MAP3K9: variants seen among roughly 807,000 people sequenced by gnomAD.
The protein encoded by MAP3K9 is mixed lineage kinase 1 (tyr and ser/thr specificity).
Under a neutral mutation model 95.8 loss-of-function variants are expected in MAP3K9, and 46 were observed. That is an observed-to-expected ratio of 0.48 (90% CI 0.38 to 0.61). The LOEUF (loss-of-function observed/expected upper bound fraction) is 0.61, where lower values mean the gene tolerates loss of function less well. Ranked by LOEUF, MAP3K9 falls within the 20% of genes least tolerant of loss-of-function variation. MAP3K9 has a pLI of 0.00. For missense variants in MAP3K9, 1,296 were observed against 1,474.3 expected, an observed-to-expected ratio of 0.88 and a Z score of 1.98; for synonymous variants, 533 against 593.8, an observed-to-expected ratio of 0.90 and a Z score of 1.49.
rs1047892994 is a variant in MAP3K9 at position 70,730,390 on chromosome 14, A to C, written c.3305T>G (p.Phe1102Cys). ...CCAATCCTTTTCGTGCTAAGACCAG[A>C]ACTCCTGCTGGATCTCATAAGGGGC... ...RPAPYEIQQE[F>C]WS Residue 1102 changes from phenylalanine to cysteine, a missense_variant, in exon 12 of 12, where the codon TTC becomes TGC. By Grantham distance (205) the Phe-to-Cys change is radical. This residue lies in a region of MAP3K9 where 433 missense variants were observed against 441.4 expected (regional missense o/e 0.98). Transcript: ENST00000554752. 6.2e-7 allele frequency: 1 copy of C among 1,604,198 alleles called. No homozygotes were observed. The highest frequency in any genetic ancestry group is 1.7e-5 in the Admixed American group (1 of 59,812).
intron 2 of MAP3K9, among the ~76,000 whole-genome samples, chr14:70,769,103 T>G (rs2054496167): frequency 6.6e-6 from 1 of 152,204 alleles, no homozygotes; most frequent in Admixed American, 6.5e-5. Context: ...CCCAGCTACT[T>G]GGGAGGCTGA....
At chr14:70,767,383 C>CAAAAAAAA in intron 2 of MAP3K9, among the ~76,000 whole-genome samples, 1 of 65,328 alleles carries the variant, frequency 1.5e-5, no homozygotes, top group Non-Finnish European at 2.9e-5. Flanking sequence ...CACTCAGTCT[C>CAAAAAAAA]AAAAAAAAAA....
intron 3 of MAP3K9, among the ~76,000 whole-genome samples, chr14:70,756,697 T>A (rs1199503439): frequency 1.3e-5 from 2 of 152,184 alleles, no homozygotes; most frequent in Non-Finnish European, 2.9e-5. Context: ...AATTTAACCA[T>A]TCGGTCAAGG....
intron 10 of MAP3K9, chr14:70,733,825 G>T: frequency 1.4e-6 from 1 of 718,084 alleles, no homozygotes; most frequent in Non-Finnish European, 2.6e-6. Context: ...AGAAAAAGGG[G>T]GATGCTCAGT....
At chr14:70,751,085 A>G (rs770711572) in intron 3 of MAP3K9, among the ~76,000 whole-genome samples, 2 of 152,122 alleles carry the variant, frequency 1.3e-5, no homozygotes, top group Non-Finnish European at 2.9e-5. Context: ...AAAGTTTCAC[A>G]AGGGTAGACC....
chr14:70,808,828 C>T lies in MAP3K9; in HGVS notation c.344G>A (p.Ser115Asn), dbSNP rs549400463. ...IFPSNYVTPR[S>N]AFSSRCQPGG... ...GGGCTGGCAGCGGCTGGAGAAGGCG[C>T]TGCGCGGGGTCACGTAGTTGCTGGG... The change falls in exon 1 of 12, where the codon AGC becomes AAC. Residue 115 changes from serine to asparagine, a missense_variant. Transcript: ENST00000554752. 1 of 1,597,822 alleles carries T rather than the reference C, an allele frequency of 6.3e-7. No individual in the cohort carries two copies. The highest frequency in any genetic ancestry group is 8.5e-7 in the Non-Finnish European group (1 of 1,174,838).
Position 70,748,814 on chromosome 14 carries a change from T to C in MAP3K9, c.1326+15A>G. 6.3e-7 allele frequency: 1 copy of C among 1,581,830 alleles called. No individual in the cohort carries two copies. The stretch of plus-strand genomic sequence containing the variant: ...TTTTCGTTCGTTTTTTTGTTGTTTT[T>C]TTTGTTTTGTTTACCTTTTCTTTGG... On this transcript the variant is annotated intron_variant, in intron 5 of 11. Coordinates refer to ENST00000554752, the MANE Select transcript of MAP3K9 (RefSeq NM_001284230.2).
At chr14:70,750,788 G>A (rs563439168) in intron 3 of MAP3K9, among the ~76,000 whole-genome samples, 6 of 152,186 alleles carry the variant, frequency 3.9e-5, no homozygotes, top group African/African-American at 1.2e-4. Context: ...CACCTGGCCT[G>A]TTATCATTAT....
chr14:70,802,223 T>A (rs1002893729), intron 1 of MAP3K9, among the ~76,000 whole-genome samples: 2 of 152,066 alleles, frequency 1.3e-5, no homozygotes, highest in African/African-American at 4.8e-5. Flanking sequence ...CGCAGTCAAT[T>A]TGGGAGACTT....
chr14:70,786,725 G>C (rs535291055), intron 2 of MAP3K9, among the ~76,000 whole-genome samples: 2 of 152,308 alleles, frequency 1.3e-5, no homozygotes, highest in South Asian at 2.1e-4. Context: ...GATGACCTTA[G>C]GCAAGTCACT....
Position 70,732,648 on chromosome 14 carries a change from C to A in MAP3K9, c.2721G>T (p.Ser907=), listed in dbSNP as rs376198640. ...GAGTCCGCCGGTGACTGCTGGGCTGCGAGGGGGTGGTGAGGGTGACATGGG... is the reference window on the plus strand; with the variant it reads ...GAGTCCGCCGGTGACTGCTGGGCTGAGAGGGGGTGGTGAGGGTGACATGGG... ...TPTHVTLTTP[S]QPSSHRRTPS... The change falls in exon 11 of 12, where the codon TCG becomes TCT. Residue 907 remains serine (S), a synonymous_variant. Transcript: ENST00000554752. 7.5e-6 allele frequency: 12 copies of A among 1,605,052 alleles called. No homozygotes were observed. In the African/African-American group the frequency reaches 1.5e-4, roughly 20 times the overall value.
chr14:70,787,729 T>C (rs1024087850), intron 2 of MAP3K9, among the ~76,000 whole-genome samples: 6 of 151,842 alleles, frequency 4.0e-5, no homozygotes, highest in African/African-American at 7.3e-5. Context: ...AATAGATATA[T>C]AAAAGCAAAG....
At chr14:70,741,472 A>C (rs1347742619) in intron 6 of MAP3K9, among the ~76,000 whole-genome samples, 1 of 152,118 alleles carries the variant, frequency 6.6e-6, no homozygotes, top group Non-Finnish European at 1.5e-5. Flanking sequence ...ACATCAACAC[A>C]CATTTTAGCA....
chr14:70,767,853 A>T (rs960187645), intron 2 of MAP3K9, among the ~76,000 whole-genome samples: 2 of 152,104 alleles, frequency 1.3e-5, no homozygotes, highest in Non-Finnish European at 2.9e-5. Context: ...AACCCCAGCT[A>T]ATTTTTTATT....
intron 6 of MAP3K9, among the ~76,000 whole-genome samples, chr14:70,741,399 C>T (rs1361421053): frequency 6.6e-6 from 1 of 152,178 alleles, no homozygotes; most frequent in Non-Finnish European, 1.5e-5. Flanking sequence ...CTGTTCCTTA[C>T]ACTTCTAATA....
rs61746639 is a variant in MAP3K9 at position 70,732,740 on chromosome 14, G to A, written c.2629C>T (p.His877Tyr). The A allele has an allele frequency of 2.0e-3, 3,206 of 1,607,460 alleles. 46 individuals are homozygous for A. The African/African-American group carries it at 0.036, about 18-fold the overall frequency. Reference sequence around the variant, plus strand: ...ACTCGGACATTGACCAGGGGGTTGTGGGTACATGGACTCAGGGGAGGGGCC... The same window carrying A: ...ACTCGGACATTGACCAGGGGGTTGTAGGTACATGGACTCAGGGGAGGGGCC... ...VEAPPLSPCT[H>Y]NPLVNVRVER... is the part of the protein sequence containing the mutation. The change falls in exon 11 of 12, where the codon CAC becomes TAC. Residue 877 changes from histidine (H) to tyrosine (Y), a missense_variant. Coordinates refer to ENST00000554752, the MANE Select transcript of MAP3K9 (RefSeq NM_001284230.2).
At chr14:70,763,467 C>T (rs1175663845) in intron 2 of MAP3K9, among the ~76,000 whole-genome samples, 4 of 142,808 alleles carry the variant, frequency 2.8e-5, no homozygotes, top group Non-Finnish European at 6.1e-5. Flanking sequence ...ATAGCATATA[C>T]AATTATGTAC....
chr14:70,763,598 A>G (rs142696280), intron 2 of MAP3K9, among the ~76,000 whole-genome samples: 42 of 151,624 alleles, frequency 2.8e-4, no homozygotes, highest in African/African-American at 9.9e-4. Flanking sequence ...TGGTGCAATC[A>G]TAGCTTATTG....
chr14:70,809,504 T>G lies in MAP3K9; in HGVS notation c.-333A>C. 1.8e-5 allele frequency: 3 copies of G among 165,770 alleles called. No individual in the cohort carries two copies. Among genetic ancestry groups the G allele is most frequent in the Non-Finnish European group, 1.3e-5 (1 of 77,702 alleles). The allele number at this position is 165,770 out of a possible 1,614,324, so 10.3% of individuals were successfully genotyped here. On this transcript the variant is annotated 5_prime_UTR_variant, in exon 1 of 12. Coordinates refer to ENST00000554752, the MANE Select transcript of MAP3K9 (RefSeq NM_001284230.2). ...CGCCGCTGCCAGCCGGCCGCCGCTC[T>G]CCTCTCCGCGCCGTGCCGTGCCCCG...
Sources: gnomAD v4.1 joint callset for allele counts (sites outside exome capture counted in the v4.1 genomes callset) on GRCh38, gnomAD v4.1.1 for gene constraint, gnomAD v4.1.1 regional missense constraint, MANE v1.5 for transcripts, NCBI Gene and HGNC (gene_info 2026-07-23, HGNC 2026-07-21) for gene names.